The following GPR142 variants were observed in gnomAD, a reference collection of about 807,000 sequenced individuals.
GPR142 encodes the protein G-protein coupled receptor 142 long form.
In GPR142, 9 loss-of-function variants were observed where a neutral mutation model predicts 10.6. The ratio of observed to expected loss-of-function variants is 0.85; its 90% CI spans 0.51 to 1.48. GPR142 has a LOEUF of 1.48. Ranked by LOEUF, GPR142 falls within the 40% of genes most tolerant of loss-of-function variation. GPR142 has a pLI of 0.00. For missense variants in GPR142, 482 were observed against 506.0 expected, an observed-to-expected ratio of 0.95 and a Z score of 0.45; for synonymous variants, 202 against 221.2, an observed-to-expected ratio of 0.91 and a Z score of 0.77.
Position 74,371,988 on chromosome 17 carries a change from C to T in GPR142, c.513C>T (p.Ala171=). 1.2e-6 allele frequency: 2 copies of T among 1,613,022 alleles called. No individual in the cohort carries two copies. The highest frequency in any genetic ancestry group is 1.7e-6 in the Non-Finnish European group (2 of 1,179,938). ...TGCTCACGGTTGACCGCTACACTGCCCTGTGCCACCCCCTGCACCATCGGG... is the reference window on the plus strand; with the variant it reads ...TGCTCACGGTTGACCGCTACACTGCTCTGTGCCACCCCCTGCACCATCGGG... The part of the protein sequence containing the change: ...AILLTVDRYT[A]LCHPLHHRAA... The change falls in exon 4 of 4, where the codon GCC becomes GCT. Residue 171 remains alanine, a synonymous_variant. Coordinates refer to ENST00000582579, the MANE Select transcript of GPR142 (RefSeq NM_001331076.1).
Position 74,370,580 on chromosome 17 carries a change from T to C in GPR142, c.154T>C (p.Phe52Leu). The C allele has an allele frequency of 1.9e-6, 3 of 1,608,620 alleles. No individual in the cohort carries two copies. Among genetic ancestry groups the C allele is most frequent in the Non-Finnish European group, 2.5e-6 (3 of 1,177,538 alleles). ...TPHVSGLSQE[F>L]ESHWPEIAER... ...CCACGTCAGCGGGCTGAGCCAGGAGTTTGAAAGCCACTGGCCAGAGATCGC... is the reference window on the plus strand; with the variant it reads ...CCACGTCAGCGGGCTGAGCCAGGAGCTTGAAAGCCACTGGCCAGAGATCGC... The change falls in exon 3 of 4, where the codon TTT becomes CTT. Residue 52 changes from phenylalanine (F) to leucine (L), a missense_variant. Coordinates refer to ENST00000582579, the MANE Select transcript of GPR142 (RefSeq NM_001331076.1).
intron 1 of GPR142, among the ~76,000 whole-genome samples, chr17:74,368,894 C>A (rs1050241032): frequency 1.3e-5 from 2 of 152,150 alleles, no homozygotes; most frequent in African/African-American, 2.4e-5. Context: ...ACCCTGTGCA[C>A]GGCTGCCTGC....
chr17:74,370,561 C>T lies in GPR142; in HGVS notation c.135C>T (p.Val45=). 1 of 1,613,134 alleles carries T rather than the reference C, an allele frequency of 6.2e-7. No homozygotes were observed. Among genetic ancestry groups the T allele is most frequent in the Non-Finnish European group, 8.5e-7 (1 of 1,179,594 alleles). ...TGACCCTGCTGCCCACGCCCCACGT[C>T]AGCGGGCTGAGCCAGGAGTTTGAAA... The part of the protein sequence containing the change: ...PRVTLLPTPH[V]SGLSQEFESH... The change falls in exon 3 of 4, where the codon GTC becomes GTT. Residue 45 remains valine (V), a synonymous_variant. Transcript: ENST00000582579.
Position 74,372,573 on chromosome 17 carries a change from G to A in GPR142, c.1098G>A (p.Pro366=), listed in dbSNP as rs187821359. ...GMAAKPVMEP[P]GLPTGAEV is the part of the protein sequence containing the mutation. The stretch of plus-strand genomic sequence containing the variant: ...CGGCGAAGCCTGTGATGGAGCCTCC[G>A]GGACTCCCCACAGGGGCAGAAGTGT... Residue 366 remains proline, a synonymous_variant, in exon 4 of 4, where the codon CCG becomes CCA. Transcript: ENST00000582579. The A allele has an allele frequency of 4.1e-4, 659 of 1,607,854 alleles. 7 individuals are homozygous for A. In the East Asian group the frequency reaches 0.01, roughly 24 times the overall value.
At position 74,369,548 on chromosome 17, in the gene GPR142, C is replaced by A; in HGVS notation, c.8C>A (p.Thr3Lys). ML[T>K]GSCGDPQKKP... ...TGAGAGGTACAGCTGGCGATGCTGA[C>A]AGGGAGCTGCGGGGACCCTCAGAAA... is the stretch of plus-strand genomic sequence containing the variant. The change falls in exon 2 of 4, where the codon ACA becomes AAA. Residue 3 changes from threonine to lysine, a missense_variant. Thr to Lys is a moderately conservative substitution (Grantham distance 78). Transcript: ENST00000582579. 6.4e-7 allele frequency: 1 copy of A among 1,555,024 alleles called. No homozygotes were observed.
At chr17:74,370,764 A>C in intron 3 of GPR142, 85 bp downstream of exon 3, 1 of 1,319,318 alleles carries the variant, frequency 7.6e-7, no homozygotes, top group Non-Finnish European at 1.0e-6. Context: ...TCTGTGTTTG[A>C]CCCCTGAGGC....
At chr17:74,371,093 G>A (rs1451189187) in intron 3 of GPR142, among the ~76,000 whole-genome samples, 2 of 151,350 alleles carry the variant, frequency 1.3e-5, no homozygotes, top group East Asian at 1.9e-4. Flanking sequence ...GTCTAGGGAC[G>A]CCTCCATTCT....
intron 2 of GPR142, among the ~76,000 whole-genome samples, chr17:74,370,229 C>A (rs2055012806): frequency 6.6e-6 from 1 of 152,160 alleles, no homozygotes; most frequent in South Asian, 2.1e-4. Flanking sequence ...GGGTGAGGGC[C>A]CATGGGGAGG....
intron 2 of GPR142, among the ~76,000 whole-genome samples, 153 bp from the exon 3 acceptor site, chr17:74,370,368 T>A (rs2055014100): frequency 6.6e-6 from 1 of 151,936 alleles, no homozygotes; most frequent in East Asian, 1.9e-4. Context: ...TGGCAAGAAT[T>A]CTCACAGCAA....
Position 74,367,555 on chromosome 17 carries a change from C to A in GPR142, c.-313C>A. The A allele has an allele frequency of 6.2e-7, 1 of 1,614,076 alleles. No individual in the cohort carries two copies. The highest frequency in any genetic ancestry group is 8.5e-7 in the Non-Finnish European group (1 of 1,179,922). ...GAGCAAAAGATCCAGTGGGTCCCCA[C>A]TTCCCTGCAGGACATCACTGCTGTC... On this transcript the variant is annotated 5_prime_UTR_variant, in exon 1 of 4. Transcript: ENST00000582579.
rs2055000111 is a variant in GPR142, at chr17:74,368,623, C to T, written c.-74+829C>T. ...GTGATTCCAGGGGGGCCTGAGCTCTCCTCCCGAGACCGTCCACGGGGCATC... is the reference window on the plus strand; with the variant it reads ...GTGATTCCAGGGGGGCCTGAGCTCTTCTCCCGAGACCGTCCACGGGGCATC... On this transcript the variant is annotated intron_variant, in intron 1 of 3. Coordinates refer to ENST00000582579, the MANE Select transcript of GPR142 (RefSeq NM_001331076.1). Among the ~76,000 whole-genome samples, 2 of 152,196 alleles carry T rather than the reference C, an allele frequency of 1.3e-5. 1 individual carries two copies. Among genetic ancestry groups the T allele is most frequent in the South Asian group, 4.1e-4 (2 of 4,836 alleles).
chr17:74,370,480 A>G, intron 2 of GPR142, 41 bp from the exon 3 acceptor site: 1 of 1,572,340 alleles, frequency 6.4e-7, no homozygotes, highest in Non-Finnish European at 8.6e-7. Flanking sequence ...CAGGTTAGAA[A>G]TAGACCAGAG....
chr17:74,370,276 G>A (rs997123811), intron 2 of GPR142, among the ~76,000 whole-genome samples: 9 of 152,338 alleles, frequency 5.9e-5, no homozygotes, highest in African/African-American at 9.6e-5. Context: ...GCAGCAGGCC[G>A]TGCTGCCAGG....
rs761662092 is a variant in GPR142, at chr17:74,367,740, T to G, written c.-128T>G. Reference sequence around the variant, plus strand: ...AAGGCCATCCAAGGACTCCAGCAGTTTCCGCCAGGTGAATCCAGCTGCCTC... The same window carrying G: ...AAGGCCATCCAAGGACTCCAGCAGTGTCCGCCAGGTGAATCCAGCTGCCTC... On this transcript the variant is annotated 5_prime_UTR_variant, in exon 1 of 4. Coordinates refer to ENST00000582579, the MANE Select transcript of GPR142 (RefSeq NM_001331076.1). 1 of 1,613,814 alleles carries G rather than the reference T, an allele frequency of 6.2e-7. No individual in the cohort carries two copies. Among genetic ancestry groups the G allele is most frequent in the Non-Finnish European group, 8.5e-7 (1 of 1,179,830 alleles).
Position 74,367,699 on chromosome 17 carries a change from G to A in GPR142, c.-169G>A. On this transcript the variant is annotated 5_prime_UTR_variant, in exon 1 of 4. Transcript: ENST00000582579. ...AGGTCTCCACAGGTCACAGGGGGAAGCTGGGACCTCCGAATAAGGCCATCC... is the reference window on the plus strand; with the variant it reads ...AGGTCTCCACAGGTCACAGGGGGAAACTGGGACCTCCGAATAAGGCCATCC... The A allele has an allele frequency of 6.2e-7, 1 of 1,612,392 alleles. No individual in the cohort carries two copies. The highest frequency in any genetic ancestry group is 8.5e-7 in the Non-Finnish European group (1 of 1,180,018).
Position 74,367,570 on chromosome 17 carries a change from TC to T in GPR142, c.-297del, listed in dbSNP as rs1297869021. 4.3e-6 allele frequency: 7 copies of T among 1,612,848 alleles called. No individual in the cohort carries two copies. In the African/African-American group the frequency reaches 9.3e-5, roughly 22 times the overall value. ...TGGGTCCCCACTTCCCTGCAGGACA[TC>T]ACTGCTGTCCTGGGTACAGAAGCAT... On this transcript the variant is annotated 5_prime_UTR_variant, in exon 1 of 4. The change creates a premature stop within an existing upstream ORF in the 5' untranslated region. Coordinates refer to ENST00000582579, the MANE Select transcript of GPR142 (RefSeq NM_001331076.1).
Position 74,372,058 on chromosome 17 carries a change from C to T in GPR142, c.583C>T (p.Leu195=). Residue 195 remains leucine (L), a synonymous_variant, in exon 4 of 4, where the codon CTG becomes TTG. Transcript: ENST00000582579. ...GRTRRAIAAV[L]SAALLTGIPF... is the part of the protein sequence containing the mutation. ...GACCCGCCGGGCCATTGCTGCTGTC[C>T]TGAGTGCTGCCCTGTTGACCGGCAT... 6.2e-7 allele frequency: 1 copy of T among 1,614,226 alleles called. No individual in the cohort carries two copies. The highest frequency in any genetic ancestry group is 1.1e-5 in the South Asian group (1 of 91,092).
At chr17:74,370,257 G>T (rs1433628592) in intron 2 of GPR142, among the ~76,000 whole-genome samples, 1 of 152,220 alleles carries the variant, frequency 6.6e-6, no homozygotes, top group Admixed American at 6.5e-5. Context: ...GGGAGCAATG[G>T]TCTCTATGGC....
intron 3 of GPR142, among the ~76,000 whole-genome samples, chr17:74,371,312 G>A (rs59371225): frequency 0.31 from 46,371 of 151,902 alleles, 7,858 homozygotes; most frequent in South Asian, 0.42. Flanking sequence ...ATGCACCACC[G>A]TGCCTGGCTA....
Sources: gnomAD v4.1 joint callset for allele counts (sites outside exome capture counted in the v4.1 genomes callset) on GRCh38, gnomAD v4.1.1 for gene constraint, MANE v1.5 for transcripts, NCBI Gene and HGNC (gene_info 2026-07-23, HGNC 2026-07-21) for gene names.